The following TTN variants were observed in gnomAD, a reference collection of about 807,000 sequenced individuals.
The protein encoded by TTN is titin, also known as connectin.
Under a neutral mutation model 3,223.0 loss-of-function variants are expected in TTN, and 1,525 were observed. That is an observed-to-expected ratio of 0.47 (90% CI 0.45 to 0.49). TTN has a LOEUF of 0.49. TTN is among the 20% of genes least tolerant of loss of function. The pLI, the probability that TTN is intolerant of heterozygous loss-of-function variation, is 0.00. For synonymous variants in TTN, 14,094 were observed against 15,161.0 expected (o/e 0.93, Z 5.17); for missense variants, 40,786 against 43,424.0 (o/e 0.94, Z 5.40).
At position 178,636,019 on chromosome 2, in the gene TTN, G is replaced by C. The variant is rs1282841965; in HGVS notation, c.41552C>G (p.Thr13851Arg). 1.2e-6 allele frequency: 2 copies of C among 1,612,890 alleles called. No homozygotes were observed. The highest frequency in any genetic ancestry group is 1.1e-5 in the South Asian group (1 of 91,000). The part of the protein sequence containing the change: ...DADDTDAGTY[T>R]VTVENANNLE... ...GTTGTTGGCGTTTTCCACAGTAACT[G>C]TGTATGTTCCAGCATCTGTGTCATC... Residue 13851 changes from threonine to arginine, a missense_variant, in exon 226 of 363, where the codon ACA (threonine) becomes AGA (arginine). Thr to Arg is a moderately conservative substitution (Grantham distance 71). Transcript: ENST00000589042. This position sits in a 1 kb window ranked among gnomAD's most constrained non-coding sequence, Gnocchi z 4.3.
At position 178,578,060 on chromosome 2, in the gene TTN, T is replaced by G; in HGVS notation, c.68455A>C (p.Met22819Leu). ...CCCACACCTGCTAAATTGATTGCCA[T>G]AACTCGGAATTCATATTCAAGACCT... ...TEGLEYEFRV[M>L]AINLAGVGKP... Residue 22819 changes from methionine (M) to leucine (L), a missense_variant, in exon 322 of 363, where the codon ATG becomes CTG. Coordinates refer to ENST00000589042, the MANE Select transcript of TTN (RefSeq NM_001267550.2). 1 of 1,613,264 alleles carries G rather than the reference T, an allele frequency of 6.2e-7. No individual in the cohort carries two copies. Among genetic ancestry groups the G allele is most frequent in the Non-Finnish European group, 8.5e-7 (1 of 1,179,462 alleles).
chr2:178,756,603 C>T lies in TTN; in HGVS notation c.10873G>A (p.Ala3625Thr), dbSNP rs2087056901. The T allele has an allele frequency of 6.2e-7, 1 of 1,613,138 alleles. No homozygotes were observed. The highest frequency in any genetic ancestry group is 1.7e-5 in the Admixed American group (1 of 59,968). Reference sequence around the variant, plus strand: ...CACAACTGTGTATCTTGAACAGATGCAGCTGTGTGGATGGAACTTTGAGAT... The same window carrying T: ...CACAACTGTGTATCTTGAACAGATGTAGCTGTGTGGATGGAACTTTGAGAT... Reference protein sequence around the residue: ...SVSQSSIHTAASVQDTQLCHT... With the variant: ...SVSQSSIHTATSVQDTQLCHT... Residue 3625 changes from alanine (A) to threonine (T), a missense_variant, in exon 46 of 363, where the codon GCA (alanine) becomes ACA (threonine). Ala to Thr is a moderately conservative substitution (Grantham distance 58). Transcript: ENST00000589042.
In TTN at chr2:178,727,739, T is replaced by C. The variant is rs375175614; in HGVS notation, c.19839A>G (p.Glu6613=). 5 of 1,613,266 alleles carry C rather than the reference T, an allele frequency of 3.1e-6. No homozygotes were observed. The African/African-American group carries it at 6.7e-5, about 22-fold the overall frequency. ...FKIKWFKDDV[E]LVSGPKCFIG... ...TGAAACATTTAGGACCTGAGACAAGTTCCACATCATCCTTAAACCATTTTA... is the reference window on the plus strand; with the variant it reads ...TGAAACATTTAGGACCTGAGACAAGCTCCACATCATCCTTAAACCATTTTA... The change falls in exon 68 of 363, where the codon GAA becomes GAG. Residue 6613 remains glutamate, a synonymous_variant. Coordinates refer to ENST00000589042, the MANE Select transcript of TTN (RefSeq NM_001267550.2).
chr2:178,783,725 C>T lies in TTN; in HGVS notation c.2836G>A (p.Val946Ile), dbSNP rs752246051. Residue 946 changes from valine to isoleucine, a missense_variant, in exon 17 of 363, where the codon GTC becomes ATC. Physicochemically the swap from Val to Ile is conservative, Grantham distance 29. Coordinates refer to ENST00000589042, the MANE Select transcript of TTN (RefSeq NM_001267550.2). ...VEIPVTPPTL[V>I]SGLKNVTVIE... The stretch of plus-strand genomic sequence containing the variant: ...TTATCAACTTCTTTACTCACCGAGA[C>T]CAAAGTTGGTGGAGTAACAGGAATT... 3.0e-5 allele frequency: 49 copies of T among 1,613,092 alleles called. No homozygotes were observed. The highest frequency in any genetic ancestry group is 4.2e-5 in the Non-Finnish European group (49 of 1,179,594).
chr2:178,740,645 T>A lies in TTN; in HGVS notation c.12588A>T (p.Ser4196=). The change falls in exon 48 of 363, where the codon TCA becomes TCT. Residue 4196 remains serine, a synonymous_variant. Coordinates refer to ENST00000589042, the MANE Select transcript of TTN (RefSeq NM_001267550.2). The part of the protein sequence containing the change: ...PSAMSIEQIN[S]LTVEPLKTLL... ...AAGTTTTCAGAGGCTCAACTGTTAA[T>A]GAATTAATTTGTTCTATGGACATGG... is the stretch of plus-strand genomic sequence containing the variant. 6.2e-7 allele frequency: 1 copy of A among 1,613,836 alleles called. No homozygotes were observed.
rs769661576 is a variant in TTN, at chr2:178,568,983, G to A, written c.77149C>T (p.Leu25717=). ...VDDVTRNSVS[L]SWTKPEHDGG... is the part of the protein sequence containing the mutation. Reference sequence around the variant, plus strand: ...TCATGTTCAGGTTTTGTCCAACTCAGAGAGACACTGTTTCTGGTGACATCA... The same window carrying A: ...TCATGTTCAGGTTTTGTCCAACTCAAAGAGACACTGTTTCTGGTGACATCA... The change falls in exon 326 of 363, where the codon CTG becomes TTG. Residue 25717 remains leucine (L), a synonymous_variant. Transcript: ENST00000589042. 6.2e-7 allele frequency: 1 copy of A among 1,613,384 alleles called. No individual in the cohort carries two copies. Among genetic ancestry groups the A allele is most frequent in the Non-Finnish European group, 8.5e-7 (1 of 1,179,550 alleles).
rs759258408 is a variant in TTN, at chr2:178,535,072, T to C, written c.101543A>G (p.Lys33848Arg). ...ATCAGTCCCTTTGACTTTAACAAAT[T>C]TGGCCATGTATGTCTTCTTTGAGGA... Reference protein sequence around the residue: ...ETSSKKTYMAKFVKVKGTDQV... With the variant: ...ETSSKKTYMARFVKVKGTDQV... Residue 33848 changes from lysine to arginine, a missense_variant, in exon 358 of 363, where the codon AAA becomes AGA. Lys to Arg is a conservative substitution (Grantham distance 26). Transcript: ENST00000589042. The C allele has an allele frequency of 6.2e-7, 1 of 1,613,938 alleles. No individual in the cohort carries two copies. The highest frequency in any genetic ancestry group is 1.1e-5 in the South Asian group (1 of 91,082).
At chr2:178,640,671 A>G (rs763703482) in intron 220 of TTN, 41 bp from the exon 221 acceptor site, 11 of 1,473,458 alleles carry the variant, frequency 7.5e-6, no homozygotes, top group Non-Finnish European at 1.0e-5. Flanking sequence ...ATATTTGAAT[A>G]TTTAGGAAGC....
rs773928522 is a variant in TTN, at chr2:178,734,525, C to T, written c.15299G>A (p.Gly5100Asp). ...CCAGCTAATTTCAAATGGTCCAGTGCCTGAGACTTCACACTGAAGTAGAGC... is the reference window on the plus strand; with the variant it reads ...CCAGCTAATTTCAAATGGTCCAGTGTCTGAGACTTCACACTGAAGTAGAGC... ...TNALLQCEVSGTGPFEISWFK... is the reference protein window; with the variant it reads ...TNALLQCEVSDTGPFEISWFK... Residue 5100 changes from glycine to aspartate, a missense_variant, in exon 52 of 363, where the codon GGC becomes GAC. Physicochemically the swap from Gly to Asp is moderately conservative, Grantham distance 94 (BLOSUM62 -1). Transcript: ENST00000589042. 6.2e-7 allele frequency: 1 copy of T among 1,612,536 alleles called. No individual in the cohort carries two copies. Among genetic ancestry groups the T allele is most frequent in the Non-Finnish European group, 8.5e-7 (1 of 1,179,032 alleles).
chr2:178,619,513 T>A, intron 250 of TTN, 108 bp downstream of exon 250: 1 of 1,406,506 alleles, frequency 7.1e-7, no homozygotes. Context: ...TGGGTAGGGC[T>A]TGCTAGAAAT....
Position 178,782,991 on chromosome 2 carries a change from G to T in TTN, c.2915C>A (p.Pro972Gln), listed in dbSNP as rs540920622. Residue 972 changes from proline to glutamine, a missense_variant, in exon 18 of 363, where the codon CCG becomes CAG. By Grantham distance (76) the Pro-to-Gln change is moderately conservative. Coordinates refer to ENST00000589042, the MANE Select transcript of TTN (RefSeq NM_001267550.2). ...LECHISGYPS[P>Q]TVTWYREDYQ... ...GTCTTCCCTGTACCATGTCACTGTCGGGGATGGGTATCCAGAGATGTGGCA... is the reference window on the plus strand; with the variant it reads ...GTCTTCCCTGTACCATGTCACTGTCTGGGATGGGTATCCAGAGATGTGGCA... 1 of 1,613,948 alleles carries T rather than the reference G, an allele frequency of 6.2e-7. No individual in the cohort carries two copies. The highest frequency in any genetic ancestry group is 8.5e-7 in the Non-Finnish European group (1 of 1,179,988).
chr2:178,555,969 G>T (rs1288653708), intron 330 of TTN: 1 of 152,230 alleles, frequency 6.6e-6, no homozygotes, highest in Non-Finnish European at 1.5e-5. Context: ...TCTGAAGTCT[G>T]TCTGTCTGAA....
intron 211 of TTN, 89 bp from the exon 212 acceptor site, chr2:178,649,720 A>G: frequency 1.3e-6 from 2 of 1,538,330 alleles, no homozygotes; most frequent in Non-Finnish European, 1.8e-6. Flanking sequence ...ACATATAGGT[A>G]AGAGTTAACA....
At chr2:178,745,741 T>C in intron 47 of TTN, 1 of 1,612,716 alleles carries the variant, frequency 6.2e-7, no homozygotes, top group Non-Finnish European at 8.5e-7. Context: ...TTCCTTGGAC[T>C]AATTTTCCAT....
chr2:178,799,316 C>T (rs2093930984), intron 6 of TTN, 171 bp downstream of exon 6: 5 of 988,324 alleles, frequency 5.1e-6, no homozygotes, highest in South Asian at 1.6e-5. Flanking sequence ...GAACACGGAG[C>T]CCCACAACCT....
intron 47 of TTN, among the ~76,000 whole-genome samples, chr2:178,742,263 T>C (rs1462975344): frequency 1.3e-5 from 2 of 152,122 alleles, no homozygotes; most frequent in Non-Finnish European, 2.9e-5. Flanking sequence ...TAATCCAGCA[T>C]TATTTAAATC....
chr2:178,611,681 A>G lies in TTN; in HGVS notation c.50552-4T>C. The G allele has an allele frequency of 6.2e-7, 1 of 1,612,512 alleles. No homozygotes were observed. Among genetic ancestry groups the G allele is most frequent in the South Asian group, 1.1e-5 (1 of 90,948 alleles). ...TCAAGGGGTGGTGAGGGAGGACCTG[A>G]GAAAAGAGTGAAATATTCATATCCA... On this transcript the variant is annotated splice_region_variant and splice_polypyrimidine_tract_variant and intron_variant, in intron 268 of 362. Transcript: ENST00000589042.
chr2:178,740,965 G>A lies in TTN; in HGVS notation c.12268C>T (p.Gln4090Ter), dbSNP rs1574087037. Residue 4090 changes from glutamine to a stop codon, truncating the protein, a stop_gained, in exon 48 of 363, where the codon CAG (glutamine) becomes TAG (stop). Coordinates refer to ENST00000589042, the MANE Select transcript of TTN (RefSeq NM_001267550.2). LOFTEE classifies it high-confidence loss of function. ...GCAATATGCTCATAAGATAGTTGCT[G>A]GTTTTCTTCTGTAATTAAAGCAGCT... is the stretch of plus-strand genomic sequence containing the variant. Reference protein sequence around the residue: ...LKAALITEENQQLSYEHIAKA... With the variant: ...LKAALITEEN 6.2e-7 allele frequency: 1 copy of A among 1,613,882 alleles called. No individual in the cohort carries two copies. Among genetic ancestry groups the A allele is most frequent in the Non-Finnish European group, 8.5e-7 (1 of 1,179,826 alleles).
rs1178625969 is a variant in TTN at position 178,775,990 on chromosome 2, C to G, written c.5874G>C (p.Gln1958His). The part of the protein sequence containing the change: ...EFHVHEPGKL[Q>H]FEVQKVDRPV... ...GTCTATCCACTTTTTGTACTTCAAA[C>G]TGAAGCTTTCCTGGTTCATGTACGT... The change falls in exon 28 of 363, where the codon CAG (glutamine) becomes CAC (histidine). Residue 1958 changes from glutamine to histidine, a missense_variant. Gln to His is a conservative substitution (Grantham distance 24). Transcript: ENST00000589042. 2 of 1,614,006 alleles carry G rather than the reference C, an allele frequency of 1.2e-6. No homozygotes were observed. The highest frequency in any genetic ancestry group is 3.3e-5 in the Admixed American group (2 of 59,988).
Sources: gnomAD v4.1 joint callset for allele counts (sites outside exome capture counted in the v4.1 genomes callset) on GRCh38, gnomAD v4.1.1 for gene constraint, Gnocchi (gnomAD v3.1) non-coding constraint, MANE v1.5 for transcripts, NCBI Gene and HGNC (gene_info 2026-07-23, HGNC 2026-07-21) for gene names.